The following TBCA variants were observed in gnomAD, a reference collection of about 807,000 sequenced individuals.
TBCA encodes tubulin-specific chaperone A.
A neutral mutation model predicts 15.8 loss-of-function variants in TBCA; 6 were observed. The ratio of observed to expected loss-of-function variants is 0.38; its 90% CI spans 0.21 to 0.75. TBCA has a LOEUF of 0.75. Ranked by LOEUF, TBCA falls within the 30% of genes least tolerant of loss-of-function variation. The pLI, the probability that TBCA is intolerant of heterozygous loss-of-function variation, is 0.46. For missense variants in TBCA, 90 were observed against 131.2 expected, an observed-to-expected ratio of 0.69 and a Z score of 1.53; for synonymous variants, 32 against 42.3, an observed-to-expected ratio of 0.76 and a Z score of 0.94.
intron 2 of TBCA, among the ~76,000 whole-genome samples, chr5:77,702,876 T>C (rs1746054191): frequency 6.6e-6 from 1 of 152,178 alleles, no homozygotes. Context: ...TCTTGGATGA[T>C]TGTAAGTTAT....
intron 1 of TBCA, among the ~76,000 whole-genome samples, chr5:77,734,574 AAATTT>A (rs1746852337): frequency 6.6e-6 from 1 of 152,234 alleles, no homozygotes; most frequent in Non-Finnish European, 1.5e-5. Flanking sequence ...TCTCATGATA[AAATTT>A]AATGGCAAGA....
At chr5:77,765,881 CAAAA>C (rs70997944) in intron 1 of TBCA, among the ~76,000 whole-genome samples, 48 of 130,396 alleles carry the variant, frequency 3.7e-4, no homozygotes, top group Non-Finnish European at 6.3e-4. Flanking sequence ...AAACTAGGGC[CAAAA>C]AAAAAAAAAA....
chr5:77,760,615 G>A (rs906585420), intron 1 of TBCA, among the ~76,000 whole-genome samples: 2 of 152,186 alleles, frequency 1.3e-5, no homozygotes, highest in African/African-American at 4.8e-5. Flanking sequence ...TGGAAACGGG[G>A]TTTCGCCGTG....
chr5:77,749,791 A>G (rs1419926129), intron 1 of TBCA, among the ~76,000 whole-genome samples: 18 of 152,224 alleles, frequency 1.2e-4, no homozygotes, highest in Admixed American at 1.2e-3. Context: ...CAAAACAGCA[A>G]AACTTTGGAA....
At chr5:77,692,269 A>G (rs1745767894) in intron 3 of TBCA, 1 of 985,264 alleles carries the variant, frequency 1.0e-6, no homozygotes, top group Non-Finnish European at 1.2e-6. Flanking sequence ...TGAAAACTGA[A>G]AGCAAAACGA....
intron 2 of TBCA, among the ~76,000 whole-genome samples, chr5:77,696,734 C>A (rs1397930408): frequency 6.6e-6 from 1 of 152,102 alleles, no homozygotes; most frequent in African/African-American, 2.4e-5. Context: ...CCAGCCTGGG[C>A]AACACAGTGA....
chr5:77,711,034 A>AG (rs1319053299), intron 1 of TBCA, among the ~76,000 whole-genome samples: 1 of 152,166 alleles, frequency 6.6e-6, no homozygotes, highest in Non-Finnish European at 1.5e-5. Context: ...AGACTTAAAC[A>AG]GGGGTAGGCA....
chr5:77,719,773 T>G (rs1746486811), intron 1 of TBCA, among the ~76,000 whole-genome samples: 1 of 152,208 alleles, frequency 6.6e-6, no homozygotes, highest in Non-Finnish European at 1.5e-5. Context: ...AAACTCATTA[T>G]TTCACGAATC....
At position 77,766,573 on chromosome 5, in the gene TBCA, G is replaced by A. The variant is rs1263264752; in HGVS notation, c.53+9632C>T. Among the ~76,000 whole-genome samples, 2 of 23,220 alleles carry A rather than the reference G, an allele frequency of 8.6e-5. 1 individual carries two copies. The allele number at this position is 23,220 out of a possible 152,430, so 15.2% of individuals were successfully genotyped here. On this transcript the variant is annotated intron_variant, in intron 1 of 3. Coordinates refer to ENST00000380377, the MANE Select transcript of TBCA (RefSeq NM_004607.3). ...CGCCCAGGCGGGAGTGCTGTGGCGC[G>A]ATCTCCGCTCACTGCAAGCTCCGCC...
At chr5:77,753,737 C>T (rs1224801726) in intron 1 of TBCA, among the ~76,000 whole-genome samples, 1 of 152,118 alleles carries the variant, frequency 6.6e-6, no homozygotes, top group East Asian at 1.9e-4. Context: ...ATTATAGTTT[C>T]CTTTAATTAT....
intron 1 of TBCA, among the ~76,000 whole-genome samples, chr5:77,736,197 G>A (rs1252613977): frequency 2.6e-5 from 4 of 152,056 alleles, no homozygotes; most frequent in Admixed American, 6.6e-5. Context: ...TTAGCTGGGC[G>A]TGGTGGTGGT....
At chr5:77,693,473 G>T (rs1386452544) in intron 2 of TBCA, 121 bp from the exon 3 acceptor site, 1 of 1,142,786 alleles carries the variant, frequency 8.8e-7, no homozygotes, top group Non-Finnish European at 1.2e-6. Flanking sequence ...TATGTTAAAT[G>T]GTTCAATATT....
In TBCA at chr5:77,693,293, G is replaced by A. The variant is rs768000016; in HGVS notation, c.219C>T (p.Ala73=). Residue 73 remains alanine, a synonymous_variant, in exon 3 of 4, where the codon GCC becomes GCT. Transcript: ENST00000380377. The part of the protein sequence containing the change: ...MIPDCQRRLE[A]AYLDLQRILE... The stretch of plus-strand genomic sequence containing the variant: ...GTATCCGTTGAAGATCCAAATATGC[G>A]GCTTCCAACCTGCGCTGGCAATCTG... 2.1e-5 allele frequency: 34 copies of A among 1,613,658 alleles called. No individual in the cohort carries two copies. Among genetic ancestry groups the A allele is most frequent in the African/African-American group, 1.1e-4 (8 of 74,854 alleles).
chr5:77,731,569 GCA>G (rs1746770089), intron 1 of TBCA, among the ~76,000 whole-genome samples: 1 of 151,910 alleles, frequency 6.6e-6, no homozygotes, highest in South Asian at 2.1e-4. Context: ...TTTTTATGTT[GCA>G]GTGTTCATCT....
chr5:77,691,817 A>G, intron 3 of TBCA: 1 of 1,029,512 alleles, frequency 9.7e-7, no homozygotes, highest in Non-Finnish European at 1.2e-6. Flanking sequence ...TTGACCCATC[A>G]TCATCATACA....
At chr5:77,752,166 G>C (rs1747360548) in intron 1 of TBCA, among the ~76,000 whole-genome samples, 1 of 152,142 alleles carries the variant, frequency 6.6e-6, no homozygotes, top group Non-Finnish European at 1.5e-5. Flanking sequence ...ATCCATTATA[G>C]TAAAGGTTTC....
chr5:77,758,360 AAAG>A (rs1192700215), intron 1 of TBCA, among the ~76,000 whole-genome samples: 6 of 152,316 alleles, frequency 3.9e-5, no homozygotes, highest in East Asian at 3.9e-4. Context: ...CAGGCATTGT[AAAG>A]AAGAACATTT....
At chr5:77,697,182 T>C (rs1320223457) in intron 2 of TBCA, among the ~76,000 whole-genome samples, 18 of 152,154 alleles carry the variant, frequency 1.2e-4, no homozygotes, top group Non-Finnish European at 4.4e-5. Flanking sequence ...CAGCAACTGA[T>C]AGAAATATTA....
At chr5:77,750,140 C>CTCTA (rs1554045746) in intron 1 of TBCA, among the ~76,000 whole-genome samples, 7,439 of 134,050 alleles carry the variant, frequency 0.055, 238 homozygotes, top group East Asian at 0.1. Context: ...TGCTCTCTCT[C>CTCTA]TATATATATA....
Sources: allele counts gnomAD v4.1 joint callset (sites outside exome capture counted in the v4.1 genomes callset), GRCh38; gene constraint gnomAD v4.1.1; transcripts MANE v1.5; gene names NCBI Gene and HGNC (gene_info 2026-07-23, HGNC 2026-07-21).